The following SPOPL variants were observed in gnomAD, a reference collection of about 807,000 sequenced individuals.
SPOPL encodes speckle-type POZ protein-like.
Under a neutral mutation model 53.8 loss-of-function variants are expected in SPOPL, and 23 were observed. The observed-to-expected ratio is 0.43, with a 90% CI of 0.31 to 0.61. The LOEUF (loss-of-function observed/expected upper bound fraction) is 0.61. Ranked by LOEUF, SPOPL falls within the 20% of genes least tolerant of loss-of-function variation. The probability of loss-of-function intolerance (pLI) is 0.12; values close to 1 mark genes in which losing one functional copy is unlikely to be tolerated. For missense variants in SPOPL, 442 were observed against 466.9 expected, an observed-to-expected ratio of 0.95 and a Z score of 0.49; for synonymous variants, 164 against 149.7, an observed-to-expected ratio of 1.10 and a Z score of -0.70.
Position 138,550,950 on chromosome 2 carries a change from A to G in SPOPL, c.248A>G (p.Tyr83Cys), listed in dbSNP as rs1163418804. ...GGATTAGATGATGAAAGTAAAGACT[A>G]CTTGTCCTTATATTTGCTTTTAGTC... ...PKGLDDESKD[Y>C]LSLYLLLVSC... Residue 83 changes from tyrosine to cysteine, a missense_variant, in exon 4 of 11, where the codon TAC becomes TGC. Coordinates refer to ENST00000280098, the MANE Select transcript of SPOPL (RefSeq NM_001001664.3). 3 of 1,613,372 alleles carry G rather than the reference A, an allele frequency of 1.9e-6. No homozygotes were observed. The highest frequency in any genetic ancestry group is 2.2e-5 in the South Asian group (2 of 91,026).
intron 1 of SPOPL, among the ~76,000 whole-genome samples, chr2:138,530,557 T>G (rs1303374034): frequency 6.6e-6 from 1 of 152,228 alleles, no homozygotes; most frequent in Non-Finnish European, 1.5e-5. Context: ...GTTTTCAGTG[T>G]AAAGATGGCA....
chr2:138,559,084 G>T lies in SPOPL; in HGVS notation c.543G>T (p.Val181=). ...SGHTNTNTLK[V]PECRLAEDLG... ...ATACTAATACAAATACTTTGAAGGT[G>T]CCTGAGTGTCGTCTAGCAGAAGATT... The change falls in exon 6 of 11, where the codon GTG becomes GTT. Residue 181 remains valine (V), a synonymous_variant. Transcript: ENST00000280098. 1 of 1,613,732 alleles carries T rather than the reference G, an allele frequency of 6.2e-7. No homozygotes were observed. The highest frequency in any genetic ancestry group is 8.5e-7 in the Non-Finnish European group (1 of 1,179,878).
At chr2:138,561,537 A>C (rs1171487016) in intron 8 of SPOPL, among the ~76,000 whole-genome samples, 1 of 152,154 alleles carries the variant, frequency 6.6e-6, no homozygotes, top group African/African-American at 2.4e-5. Context: ...GTATGTGTCG[A>C]TGGATGGTAT....
At position 138,557,585 on chromosome 2, in the gene SPOPL, G is replaced by A. The variant is rs1406596740; in HGVS notation, c.481-1437G>A. Among the ~76,000 whole-genome samples, 4 of 152,092 alleles carry A rather than the reference G, an allele frequency of 2.6e-5. No individual in the cohort carries two copies. The East Asian group carries it at 5.8e-4, about 22-fold the overall frequency. ...TTTCTGCATAGTTTACTGTATATAT[G>A]TGTGTCCTTATTTATACTTTTATTT... On this transcript the variant is annotated intron_variant, in intron 5 of 10. Transcript: ENST00000280098.
chr2:138,544,260 T>C (rs1216923602), intron 1 of SPOPL, among the ~76,000 whole-genome samples: 2 of 152,216 alleles, frequency 1.3e-5, no homozygotes, highest in African/African-American at 2.4e-5. Flanking sequence ...TCTTCAAGGC[T>C]GTCAGACAGG....
At chr2:138,522,612 A>T (rs145811924) in intron 1 of SPOPL, among the ~76,000 whole-genome samples, 2 of 151,270 alleles carry the variant, frequency 1.3e-5, no homozygotes, top group South Asian at 2.1e-4. Flanking sequence ...TCCTTAGCCA[A>T]TTTTTTTTTC....
At chr2:138,518,252 A>G (rs1416881671) in intron 1 of SPOPL, among the ~76,000 whole-genome samples, 8 of 152,064 alleles carry the variant, frequency 5.3e-5, no homozygotes, top group Non-Finnish European at 1.2e-4. Flanking sequence ...GAGAAGGGAG[A>G]AGGAGAGAAC....
intron 5 of SPOPL, among the ~76,000 whole-genome samples, chr2:138,558,702 C>T (rs1176306145): frequency 6.6e-6 from 1 of 151,912 alleles, no homozygotes; most frequent in Non-Finnish European, 1.5e-5. Context: ...CAAAGATGTA[C>T]TTTTGTTTGA....
At chr2:138,554,179 ATT>A (rs945253968) in intron 5 of SPOPL, among the ~76,000 whole-genome samples, 1 of 146,176 alleles carries the variant, frequency 6.8e-6, no homozygotes, top group Non-Finnish European at 1.5e-5. Context: ...TGAAATTAAG[ATT>A]TTTTTTTTGT....
At chr2:138,545,559 G>T (rs935414191) in intron 1 of SPOPL, among the ~76,000 whole-genome samples, 1 of 151,402 alleles carries the variant, frequency 6.6e-6, no homozygotes, top group Non-Finnish European at 1.5e-5. Context: ...TCAGCCTCCC[G>T]AGTAGCTGGG....
intron 1 of SPOPL, among the ~76,000 whole-genome samples, chr2:138,526,152 A>T (rs1684671343): frequency 1.3e-5 from 2 of 152,108 alleles, no homozygotes; most frequent in African/African-American, 4.8e-5. Context: ...AATTCTAATG[A>T]TTTTTTAAAT....
At position 138,559,262 on chromosome 2, in the gene SPOPL, G is replaced by A; in HGVS notation, c.659-20G>A. On this transcript the variant is annotated intron_variant, in intron 6 of 10. Transcript: ENST00000280098. ...AAAATGCATTTATGCATAAAATAATGATACATAATCTTGTTACAGCTCGAT... is the reference window on the plus strand; with the variant it reads ...AAAATGCATTTATGCATAAAATAATAATACATAATCTTGTTACAGCTCGAT... 1 of 1,611,378 alleles carries A rather than the reference G, an allele frequency of 6.2e-7. No homozygotes were observed.
rs1684802042 is a variant in SPOPL, at chr2:138,531,264, A to G, written c.-60-18893A>G. Reference sequence around the variant, plus strand: ...TGTCTTTTCTTGTAGTGGTTACTGTAGAGATTACAGTATACTTCATGGAGT... The same window carrying G: ...TGTCTTTTCTTGTAGTGGTTACTGTGGAGATTACAGTATACTTCATGGAGT... On this transcript the variant is annotated intron_variant, in intron 1 of 10. Transcript: ENST00000280098. 2.0e-5 allele frequency among the ~76,000 whole-genome samples: 3 copies of G among 151,938 alleles called. No homozygotes were observed. In the South Asian group the frequency reaches 6.2e-4, roughly 32 times the overall value.
chr2:138,517,771 G>T (rs1317330635), intron 1 of SPOPL, among the ~76,000 whole-genome samples: 2 of 151,280 alleles, frequency 1.3e-5, no homozygotes, highest in African/African-American at 2.4e-5. Context: ...CTAGGCCAGG[G>T]CACGGTGGCT....
Position 138,559,036 on chromosome 2 carries a change from A to G in SPOPL, c.495A>G (p.Gln165=). The G allele has an allele frequency of 6.3e-7, 1 of 1,599,964 alleles. No individual in the cohort carries two copies. Among genetic ancestry groups the G allele is most frequent in the Non-Finnish European group, 8.5e-7 (1 of 1,175,824 alleles). Residue 165 remains glutamine (Q), a synonymous_variant, in exon 6 of 11, where the codon CAA becomes CAG. Transcript: ENST00000280098. ...TTTTTTATTAGGTGAGTGTGGTCCA[A>G]GATTCAGTAAACATATCAGGACATA... ...LTLFCEVSVV[Q]DSVNISGHTN...
chr2:138,555,566 G>T (rs1685406116), intron 5 of SPOPL, among the ~76,000 whole-genome samples: 1 of 152,126 alleles, frequency 6.6e-6, no homozygotes, highest in African/African-American at 2.4e-5. Context: ...TCTCACTTTG[G>T]AGCCGGTGTG....
chr2:138,518,527 A>G (rs1023064487), intron 1 of SPOPL, among the ~76,000 whole-genome samples: 8 of 152,234 alleles, frequency 5.3e-5, no homozygotes, highest in South Asian at 4.1e-4. Flanking sequence ...ACAAAGTTTT[A>G]TACACAGACT....
intron 5 of SPOPL, among the ~76,000 whole-genome samples, chr2:138,557,433 A>T (rs1685451075): frequency 6.6e-6 from 1 of 152,198 alleles, no homozygotes; most frequent in African/African-American, 2.4e-5. Context: ...CATGAGATAT[A>T]TGTTTGTATG....
At chr2:138,554,920 C>T (rs1048200663) in intron 5 of SPOPL, among the ~76,000 whole-genome samples, 1 of 152,098 alleles carries the variant, frequency 6.6e-6, no homozygotes, top group Non-Finnish European at 1.5e-5. Flanking sequence ...TAGTCCATTT[C>T]GTGTTGCCAT....
Sources: gnomAD v4.1 joint callset for allele counts (sites outside exome capture counted in the v4.1 genomes callset) on GRCh38, gnomAD v4.1.1 for gene constraint, MANE v1.5 for transcripts, NCBI Gene and HGNC (gene_info 2026-07-23, HGNC 2026-07-21) for gene names.